HECTD4: variants seen among roughly 807,000 people sequenced by gnomAD.
The protein encoded by HECTD4 is probable E3 ubiquitin-protein ligase HECTD4.
A neutral mutation model predicts 471.5 loss-of-function variants in HECTD4; 114 were observed. The ratio of observed to expected loss-of-function variants is 0.24; its 90% confidence interval spans 0.21 to 0.28. The LOEUF (loss-of-function observed/expected upper bound fraction) is 0.28, where lower values mean the gene tolerates loss of function less well. HECTD4 is among the 10% of genes least tolerant of loss of function. HECTD4 has a pLI of 1.00. For synonymous variants in HECTD4, 2,012 were observed against 2,256.0 expected (o/e 0.89, Z 3.07); for missense variants, 3,866 against 5,651.5 (o/e 0.68, Z 10.13).
At chr12:112,226,196 C>T (rs1470196582) in intron 44 of HECTD4, among the ~76,000 whole-genome samples, 2 of 151,872 alleles carry the variant, frequency 1.3e-5, no homozygotes, top group Non-Finnish European at 2.9e-5. Flanking sequence ...TTTCCATACA[C>T]ACACACACAC....
chr12:112,204,333 G>C (rs1555249938), intron 53 of HECTD4, among the ~76,000 whole-genome samples, 153 bp downstream of exon 53: 1 of 152,220 alleles, frequency 6.6e-6, no homozygotes, highest in Non-Finnish European at 1.5e-5. Context: ...GGTTGCCCTA[G>C]GGCTTCACAT....
Position 112,273,729 on chromosome 12 carries a change from C to T in HECTD4, c.1868G>A (p.Cys623Tyr), listed in dbSNP as rs780401370. 1.9e-6 allele frequency: 3 copies of T among 1,613,922 alleles called. No homozygotes were observed. Among genetic ancestry groups the T allele is most frequent in the East Asian group, 4.5e-5 (2 of 44,890 alleles). ...TCSNDYIDQW[C>Y]NPGNQAFHYV... is the part of the protein sequence containing the mutation. ...ATGGAAGGCTTGATTCCCAGGGTTA[C>T]ACCACTGATCGATATAGTCATTTGA... is the stretch of plus-strand genomic sequence containing the variant. The change falls in exon 11 of 76, where the codon TGT (cysteine) becomes TAT (tyrosine). Residue 623 changes from cysteine to tyrosine, a missense_variant. Cys to Tyr is a radical substitution (Grantham distance 194, BLOSUM62 -2). Transcript: ENST00000682272.
At chr12:112,185,895 AAC>A (rs1226587499) in intron 60 of HECTD4, among the ~76,000 whole-genome samples, 3 of 152,248 alleles carry the variant, frequency 2.0e-5, no homozygotes, top group African/African-American at 7.2e-5. Flanking sequence ...ACAGCACTGA[AAC>A]ACACACTGAA....
intron 59 of HECTD4, 101 bp from the exon 60 acceptor site, chr12:112,191,066 G>A: frequency 1.1e-6 from 1 of 935,848 alleles, no homozygotes; most frequent in Non-Finnish European, 1.6e-6. Flanking sequence ...AACAGGGCTG[G>A]AGAGCCCACC....
At chr12:112,242,943 T>C (rs1314005310) in intron 32 of HECTD4, among the ~76,000 whole-genome samples, 1 of 152,106 alleles carries the variant, frequency 6.6e-6, no homozygotes, top group Non-Finnish European at 1.5e-5. Context: ...ACCAGACCTA[T>C]ATGTGCTGAT....
chr12:112,180,245 A>C (rs1356275607), intron 62 of HECTD4, among the ~76,000 whole-genome samples: 1 of 152,202 alleles, frequency 6.6e-6, no homozygotes, highest in Non-Finnish European at 1.5e-5. Flanking sequence ...GCAGAGTCAC[A>C]AGTTAAAAAC....
Position 112,334,810 on chromosome 12 carries a change from CAAAA to C in HECTD4, c.178-15072_178-15069del, listed in dbSNP as rs201647877. 5.9e-5 allele frequency among the ~76,000 whole-genome samples: 4 copies of C among 67,608 alleles called. No individual in the cohort carries two copies. The East Asian group carries it at 1.1e-3, about 18-fold the overall frequency. The allele number at this position is 67,608 out of a possible 152,430, so 44.4% of individuals were successfully genotyped here. On this transcript the variant is annotated intron_variant, in intron 1 of 75. Coordinates refer to ENST00000682272, the MANE Select transcript of HECTD4 (RefSeq NM_001388303.1). ...GGGTGACAAGAGTGAAACTCTATCT[CAAAA>C]AAAAAAAAAAAAGCCATAATCAAAA...
rs780058794 is a variant in HECTD4, at chr12:112,194,999, C to T, written c.8635G>A (p.Ala2879Thr). ...YCRMALLNIF[A>T]PKLPHLFTRL... ...GTGAACAAGTGAGGCAACTTCGGGG[C>T]GAAGATATTGAGCAGGGCCATGCGG... The change falls in exon 56 of 76, where the codon GCC becomes ACC. Residue 2879 changes from alanine (A) to threonine (T), a missense_variant. Physicochemically the swap from Ala to Thr is moderately conservative, Grantham distance 58. Around this residue, in one of 16 missense-constraint regions of HECTD4, gnomAD observed 266 missense variants for 441.6 expected, o/e 0.60. Transcript: ENST00000682272. The surrounding 1 kb of genome is among the most constrained non-coding windows in gnomAD (Gnocchi z 4.6). The T allele has an allele frequency of 2.7e-5, 44 of 1,611,034 alleles. No homozygotes were observed. The highest frequency in any genetic ancestry group is 3.4e-5 in the Admixed American group (2 of 59,616).
At chr12:112,369,102 A>ATGG (rs2036619241) in intron 1 of HECTD4, among the ~76,000 whole-genome samples, 1 of 152,094 alleles carries the variant, frequency 6.6e-6, no homozygotes, top group Admixed American at 6.6e-5. Context: ...ATATATAGAC[A>ATGG]TGGTCTCTGT....
chr12:112,236,959 G>A lies in HECTD4; in HGVS notation c.5430C>T (p.Leu1810=). 6.2e-7 allele frequency: 1 copy of A among 1,611,226 alleles called. No individual in the cohort carries two copies. Among genetic ancestry groups the A allele is most frequent in the Middle Eastern group, 1.7e-4 (1 of 6,060 alleles). The change falls in exon 35 of 76, where the codon CTC becomes CTT. Residue 1810 remains leucine (L), a synonymous_variant. Coordinates refer to ENST00000682272, the MANE Select transcript of HECTD4 (RefSeq NM_001388303.1). ...ACCTTGCATACCTTGAGAGATCATT[G>A]AGAAGACTAAGGACATCCTGGAGCG... ...NDALQDVLSL[L]NDLSRSHIGK... is the part of the protein sequence containing the mutation.
chr12:112,268,314 G>T (rs2034327035), intron 13 of HECTD4, among the ~76,000 whole-genome samples: 1 of 152,168 alleles, frequency 6.6e-6, no homozygotes, highest in South Asian at 2.1e-4. Flanking sequence ...TCCACAGAAA[G>T]AGATTCGAAG....
intron 7 of HECTD4, among the ~76,000 whole-genome samples, chr12:112,290,994 A>AC (rs2034873022): frequency 6.6e-6 from 1 of 152,074 alleles, no homozygotes; most frequent in Admixed American, 6.6e-5. Flanking sequence ...CTCCATCATT[A>AC]CTTCACCCTC....
At chr12:112,238,781 CAAG>C (rs1177142340) in intron 34 of HECTD4, among the ~76,000 whole-genome samples, 1 of 151,986 alleles carries the variant, frequency 6.6e-6, no homozygotes, top group African/African-American at 2.4e-5. Flanking sequence ...GCAGTATTGA[CAAG>C]GAGAGAATAA....
rs1317529924 is a variant in HECTD4 at position 112,173,218 on chromosome 12, T to A, written c.11595-357A>T. Among the ~76,000 whole-genome samples the A allele has an allele frequency of 1.3e-5, 2 of 152,074 alleles. No individual in the cohort carries two copies. Among genetic ancestry groups the A allele is most frequent in the Admixed American group, 1.3e-4 (2 of 15,270 alleles). On this transcript the variant is annotated intron_variant, in intron 66 of 75. Coordinates refer to ENST00000682272, the MANE Select transcript of HECTD4 (RefSeq NM_001388303.1). This position sits in a 1 kb window ranked among gnomAD's most constrained non-coding sequence, Gnocchi z 4.3. ...AACTTTTTTCTCCTTAGAGACAAAA[T>A]CTTGCTCTGTTGCCTGGGCTGGAGT...
At position 112,243,820 on chromosome 12, in the gene HECTD4, G is replaced by A; in HGVS notation, c.4649+54C>T. On this transcript the variant is annotated intron_variant, in intron 30 of 75. Transcript: ENST00000682272. This position sits in a 1 kb window ranked among gnomAD's most constrained non-coding sequence, Gnocchi z 6.6. ...GAAACACACTCAGGGAGCTTGTTTT[G>A]ATGAATGCATTCAGCTGCATGTGGG... 1 of 1,610,314 alleles carries A rather than the reference G, an allele frequency of 6.2e-7. No individual in the cohort carries two copies. Among genetic ancestry groups the A allele is most frequent in the Non-Finnish European group, 8.5e-7 (1 of 1,176,970 alleles).
chr12:112,192,869 C>A, intron 58 of HECTD4, 104 bp from the exon 59 acceptor site: 1 of 1,216,736 alleles, frequency 8.2e-7, no homozygotes, highest in Non-Finnish European at 1.1e-6. Flanking sequence ...GAACTGGGCC[C>A]AAGTCATTTC....
intron 7 of HECTD4, among the ~76,000 whole-genome samples, chr12:112,296,803 GTGTAGGTGCAGTGGA>G (rs1222739041): frequency 2.0e-5 from 3 of 148,358 alleles, no homozygotes; most frequent in Middle Eastern, 3.4e-3. Context: ...GGTGCAGAGG[GTGTAGGTGCAGTGGA>G]TGTAGGTGCA....
chr12:112,185,262 G>A lies in HECTD4; in HGVS notation c.9704C>T (p.Ala3235Val). ...CGCCGCCCCCCCGGAGCCCCCGCAG[G>A]CGCCGCCTGAGACCCAGTTCTGCGT... ...EETQNWVSGGACGGSGGAAAG... is the reference protein window; with the variant it reads ...EETQNWVSGGVCGGSGGAAAG... The change falls in exon 61 of 76, where the codon GCC becomes GTC. Residue 3235 changes from alanine to valine, a missense_variant. Coordinates refer to ENST00000682272, the MANE Select transcript of HECTD4 (RefSeq NM_001388303.1). The A allele has an allele frequency of 6.5e-7, 1 of 1,550,166 alleles. No homozygotes were observed. Among genetic ancestry groups the A allele is most frequent in the Non-Finnish European group, 8.7e-7 (1 of 1,146,536 alleles).
At position 112,183,278 on chromosome 12, in the gene HECTD4, G is replaced by T; in HGVS notation, c.10780-12C>A. The T allele has an allele frequency of 6.2e-7, 1 of 1,606,886 alleles. No individual in the cohort carries two copies. The highest frequency in any genetic ancestry group is 8.5e-7 in the Non-Finnish European group (1 of 1,174,736). On this transcript the variant is annotated splice_polypyrimidine_tract_variant and intron_variant, in intron 61 of 75. Transcript: ENST00000682272. ...GCTCGGGATCTTATCTGTGTGAACAGAGAACAGGGTCAGGATTTGAGTAGC... is the reference window on the plus strand; with the variant it reads ...GCTCGGGATCTTATCTGTGTGAACATAGAACAGGGTCAGGATTTGAGTAGC...
Sources: gnomAD v4.1 joint callset for allele counts (sites outside exome capture counted in the v4.1 genomes callset) on GRCh38, gnomAD v4.1.1 for gene constraint, gnomAD v4.1.1 regional missense constraint, Gnocchi (gnomAD v3.1) non-coding constraint, MANE v1.5 for transcripts, NCBI Gene and HGNC (gene_info 2026-07-23, HGNC 2026-07-21) for gene names.